The following TBCK variants were observed in gnomAD, a reference collection of about 807,000 sequenced individuals.
TBCK encodes TBC1 domain containing kinase.
In TBCK, 99 loss-of-function variants were observed where a neutral mutation model predicts 113.4. The observed-to-expected ratio is 0.87, with a 90% confidence interval of 0.74 to 1.03. The LOEUF is 1.03. TBCK is among the 50% of genes least tolerant of loss of function. The probability of loss-of-function intolerance (pLI) is 0.00; values close to 1 mark genes in which losing one functional copy is unlikely to be tolerated. For synonymous variants in TBCK, 369 were observed against 370.8 expected (o/e 1.00, Z 0.05); for missense variants, 1,045 against 1,061.3 (o/e 0.98, Z 0.21).
intron 19 of TBCK, among the ~76,000 whole-genome samples, chr4:106,215,190 T>C (rs1266349135): frequency 6.6e-6 from 1 of 151,944 alleles, no homozygotes; most frequent in East Asian, 1.9e-4. Context: ...CCACCAGGCC[T>C]GCCCTAAAAG....
intron 3 of TBCK, among the ~76,000 whole-genome samples, chr4:106,274,573 C>CA (rs1459046393): frequency 6.6e-6 from 1 of 152,028 alleles, no homozygotes; most frequent in Non-Finnish European, 1.5e-5. Flanking sequence ...AAGCTAAGCA[C>CA]AAAAAGTCAT....
chr4:106,153,828 GT>G (rs1034719050), intron 23 of TBCK, among the ~76,000 whole-genome samples: 10 of 149,140 alleles, frequency 6.7e-5, no homozygotes, highest in South Asian at 6.4e-4. Context: ...TCTTCTTAGA[GT>G]TTTTTTTTTC....
intron 23 of TBCK, among the ~76,000 whole-genome samples, chr4:106,154,239 G>T (rs1748866997): frequency 7.3e-5 from 11 of 151,518 alleles, no homozygotes. Context: ...TTTTTGATTT[G>T]ACGTTACCAT....
chr4:106,116,740 T>C (rs1271882357), intron 23 of TBCK, among the ~76,000 whole-genome samples: 1 of 152,076 alleles, frequency 6.6e-6, no homozygotes. Context: ...GTGAACTATG[T>C]ATGTGAGGGA....
Position 106,230,357 on chromosome 4 carries a change from G to T in TBCK, c.1774+6C>A. On this transcript the variant is annotated splice_donor_region_variant and intron_variant, in intron 19 of 25. Coordinates refer to ENST00000394708, the MANE Select transcript of TBCK (RefSeq NM_001163435.3). ...CTGTAGAAAGACATGGAAGACATTT[G>T]CTTACCTTGTATTACATGTGAGTTG... The T allele has an allele frequency of 6.5e-7, 1 of 1,549,474 alleles. No individual in the cohort carries two copies.
intron 23 of TBCK, among the ~76,000 whole-genome samples, chr4:106,128,259 C>T (rs1270433946): frequency 6.6e-6 from 1 of 152,074 alleles, no homozygotes; most frequent in African/African-American, 2.4e-5. Flanking sequence ...AAAGAAAACC[C>T]CATTGTAGAG....
At chr4:106,093,064 T>C (rs1376857581) in intron 25 of TBCK, among the ~76,000 whole-genome samples, 1 of 152,162 alleles carries the variant, frequency 6.6e-6, no homozygotes, top group East Asian at 1.9e-4. Context: ...CTGAAATAGG[T>C]GTATTGAGAT....
intron 25 of TBCK, among the ~76,000 whole-genome samples, chr4:106,087,421 C>T (rs1739637411): frequency 6.6e-6 from 1 of 151,930 alleles, no homozygotes; most frequent in South Asian, 2.1e-4. Flanking sequence ...ACTGCTCAAG[C>T]AAATAAGACA....
At chr4:106,293,359 T>C (rs938073244) in intron 3 of TBCK, among the ~76,000 whole-genome samples, 1 of 152,192 alleles carries the variant, frequency 6.6e-6, no homozygotes, top group Non-Finnish European at 1.5e-5. Context: ...TGTCACTGTC[T>C]CCCATCATCC....
intron 24 of TBCK, among the ~76,000 whole-genome samples, chr4:106,105,331 C>A (rs1742022640): frequency 6.6e-6 from 1 of 152,116 alleles, no homozygotes; most frequent in Non-Finnish European, 1.5e-5. Flanking sequence ...GCGGAGCCCC[C>A]AGGAGTCAAA....
Position 106,137,360 on chromosome 4 carries a change from C to A in TBCK, c.2236-20982G>T, listed in dbSNP as rs1287567415. ...TTGAGATTTTTAGGGTAATATTAAT[C>A]AATTCTCATTTTTCCAAATGTTTAC... On this transcript the variant is annotated intron_variant, in intron 23 of 25. Coordinates refer to ENST00000394708, the MANE Select transcript of TBCK (RefSeq NM_001163435.3). Among the ~76,000 whole-genome samples, 2 of 139,570 alleles carry A rather than the reference C, an allele frequency of 1.4e-5. 1 individual carries two copies. Among genetic ancestry groups the A allele is most frequent in the Non-Finnish European group, 3.2e-5 (2 of 61,546 alleles). The allele number at this position is 139,570 out of a possible 152,430, so 91.6% of individuals were successfully genotyped here.
At chr4:106,289,893 T>C (rs1579525529) in intron 3 of TBCK, among the ~76,000 whole-genome samples, 1 of 152,308 alleles carries the variant, frequency 6.6e-6, no homozygotes, top group East Asian at 1.9e-4. Context: ...CTCCTTGTTT[T>C]ACAGATAAGG....
Sources: gnomAD v4.1 joint callset for allele counts (sites outside exome capture counted in the v4.1 genomes callset) on GRCh38, gnomAD v4.1.1 for gene constraint, MANE v1.5 for transcripts, NCBI Gene and HGNC (gene_info 2026-07-23, HGNC 2026-07-21) for gene names.